Variants in SMARCC1 observed in about 807,000 individuals in gnomAD.
SMARCC1 encodes SWI/SNF related BAF chromatin remodeling complex subunit C1.
In SMARCC1, 43 loss-of-function variants were observed where a neutral mutation model predicts 147.4. The ratio of observed to expected loss-of-function variants is 0.29; its 90% CI spans 0.23 to 0.38. The LOEUF (loss-of-function observed/expected upper bound fraction) is 0.38. SMARCC1 is among the 10% of genes least tolerant of loss of function. The probability of loss-of-function intolerance (pLI) is 1.00; values close to 1 mark genes in which losing one functional copy is unlikely to be tolerated. For synonymous variants in SMARCC1, 495 were observed against 484.4 expected (o/e 1.02, Z -0.29); for missense variants, 1,119 against 1,381.1 (o/e 0.81, Z 3.01).
intron 27 of SMARCC1, among the ~76,000 whole-genome samples, chr3:47,588,953 C>T (rs557345525): frequency 2.0e-5 from 3 of 152,212 alleles, no homozygotes; most frequent in African/African-American, 7.2e-5. Flanking sequence ...TTCAACTTTA[C>T]CTGCTTTAGT....
chr3:47,698,565 C>T (rs1191368759), intron 11 of SMARCC1, among the ~76,000 whole-genome samples: 1 of 151,742 alleles, frequency 6.6e-6, no homozygotes, highest in African/African-American at 2.4e-5. Context: ...ATTCTCTTTC[C>T]ACATACTAGG....
chr3:47,772,542 T>C (rs2034926888), intron 2 of SMARCC1, among the ~76,000 whole-genome samples: 2 of 152,182 alleles, frequency 1.3e-5, no homozygotes, highest in Admixed American at 1.3e-4. Context: ...TGGAGAAGAC[T>C]CGGTACGGCG....
At chr3:47,758,204 T>C (rs7637950) in intron 2 of SMARCC1, among the ~76,000 whole-genome samples, 91,941 of 151,846 alleles carry the variant, frequency 0.61, 29,118 homozygotes, top group East Asian at 0.72. Flanking sequence ...ACTGCAGCCT[T>C]CAACTCCTGG....
chr3:47,725,295 G>A (rs2034285281), intron 6 of SMARCC1, among the ~76,000 whole-genome samples: 1 of 152,022 alleles, frequency 6.6e-6, no homozygotes, highest in African/African-American at 2.4e-5. Flanking sequence ...AGAGTAGACT[G>A]CTGGTTGTCA....
At chr3:47,666,703 T>G (rs1576404581) in intron 19 of SMARCC1, among the ~76,000 whole-genome samples, 1 of 152,240 alleles carries the variant, frequency 6.6e-6, no homozygotes, top group African/African-American at 2.4e-5. Context: ...ATTCATAAAC[T>G]TTCTTAAAAC....
rs377409397 is a variant in SMARCC1, at chr3:47,765,139, T to C, written c.315+7678A>G. On this transcript the variant is annotated intron_variant, in intron 2 of 27. Transcript: ENST00000254480. ...GGTGGCGCATGCCTGTAATCCCAGC[T>C]AGTCAGGAGGCTGAAGCAAGAGAAC... Among the ~76,000 whole-genome samples the C allele has an allele frequency of 9.2e-5, 14 of 152,116 alleles. No individual in the cohort carries two copies. In the East Asian group the frequency reaches 9.7e-4, roughly 11 times the overall value.
intron 5 of SMARCC1, among the ~76,000 whole-genome samples, chr3:47,729,898 T>A (rs995164583): frequency 3.3e-5 from 5 of 152,176 alleles, no homozygotes; most frequent in Admixed American, 3.3e-4. Context: ...AAAAGTTACA[T>A]TTATGGCCAG....
Position 47,606,429 on chromosome 3 carries a change from G to C in SMARCC1, c.3043+3637C>G, listed in dbSNP as rs143559735. Among the ~76,000 whole-genome samples, 53 of 152,302 alleles carry C rather than the reference G, an allele frequency of 3.5e-4. No homozygotes were observed. In the East Asian group the frequency reaches 9.8e-3, roughly 28 times the overall value. Reference sequence around the variant, plus strand: ...CCATGCATCAGTTCTTCAACTGTAAGGTGAGAATGAGAAATAAGTGAAACA... The same window carrying C: ...CCATGCATCAGTTCTTCAACTGTAACGTGAGAATGAGAAATAAGTGAAACA... On this transcript the variant is annotated intron_variant, in intron 26 of 27. Coordinates refer to ENST00000254480, the MANE Select transcript of SMARCC1 (RefSeq NM_003074.4).
At chr3:47,724,969 C>T (rs1460708258) in intron 6 of SMARCC1, among the ~76,000 whole-genome samples, 1 of 129,262 alleles carries the variant, frequency 7.7e-6, no homozygotes, top group Non-Finnish European at 1.5e-5. Context: ...GAGGACAAGG[C>T]TACATGGAGC....
intron 12 of SMARCC1, among the ~76,000 whole-genome samples, chr3:47,689,730 T>C (rs1214973462): frequency 2.0e-5 from 3 of 152,188 alleles, no homozygotes; most frequent in African/African-American, 7.2e-5. Flanking sequence ...TTACGATTCT[T>C]GTCTCCTGAG....
chr3:47,704,438 A>T (rs2033965461), intron 10 of SMARCC1, among the ~76,000 whole-genome samples: 1 of 152,200 alleles, frequency 6.6e-6, no homozygotes, highest in African/African-American at 2.4e-5. Context: ...TATGCGTTAT[A>T]TTCAGAGTAG....
At chr3:47,657,651 C>T (rs1228647396) in intron 21 of SMARCC1, among the ~76,000 whole-genome samples, 5 of 151,804 alleles carry the variant, frequency 3.3e-5, no homozygotes, top group Non-Finnish European at 7.4e-5. Context: ...AACACACACA[C>T]ACACCAACAA....
intron 24 of SMARCC1, among the ~76,000 whole-genome samples, chr3:47,632,850 A>G (rs923389364): frequency 5.9e-5 from 9 of 152,290 alleles, no homozygotes; most frequent in East Asian, 1.9e-4. Context: ...ATTCTCTACT[A>G]AAGAGTTTGA....
chr3:47,708,083 CTTTTTTTTTTTTTTTTTTTTTTTTT>C (rs915291740), intron 9 of SMARCC1, among the ~76,000 whole-genome samples: 1 of 64,270 alleles, frequency 1.6e-5, no homozygotes, highest in African/African-American at 6.6e-5. Context: ...AATTTTTTTT[CTTTTTTTTTTTTTTTTTTTTTTTTT>C]TTTTTTTTTG....
chr3:47,771,722 C>A (rs4858857), intron 2 of SMARCC1, among the ~76,000 whole-genome samples: 1 of 151,716 alleles, frequency 6.6e-6, no homozygotes, highest in Non-Finnish European at 1.5e-5. Flanking sequence ...CCAGCCTGGG[C>A]GACAGAACAA....
At chr3:47,733,920 T>C (rs2034408227) in intron 5 of SMARCC1, among the ~76,000 whole-genome samples, 1 of 151,546 alleles carries the variant, frequency 6.6e-6, no homozygotes, top group African/African-American at 2.4e-5. Flanking sequence ...CATATGTGCT[T>C]GTATATACAT....
rs2034336705 is a variant in SMARCC1, at chr3:47,729,071, T to C, written c.600A>G (p.Ser200=). 6.2e-7 allele frequency: 1 copy of C among 1,612,432 alleles called. No homozygotes were observed. Among genetic ancestry groups the C allele is most frequent in the South Asian group, 1.1e-5 (1 of 90,892 alleles). The change falls in exon 6 of 28, where the codon TCA becomes TCG. Residue 200 remains serine (S), a synonymous_variant. Coordinates refer to ENST00000254480, the MANE Select transcript of SMARCC1 (RefSeq NM_003074.4). The stretch of plus-strand genomic sequence containing the variant: ...ATGGGTAAATGTGGTGGGAAGCTTT[T>C]GACTTCTCATCCGTAAATGTTCCCT... The part of the protein sequence containing the change: ...RHQGTFTDEK[S]KASHHIYPYS...
chr3:47,760,068 C>T (rs1362060017), intron 2 of SMARCC1, among the ~76,000 whole-genome samples: 1 of 152,156 alleles, frequency 6.6e-6, no homozygotes, highest in Non-Finnish European at 1.5e-5. Context: ...AATCCCACCA[C>T]TCTGGGAGGC....
At chr3:47,700,243 T>C (rs2033900068) in intron 11 of SMARCC1, among the ~76,000 whole-genome samples, 1 of 152,076 alleles carries the variant, frequency 6.6e-6, no homozygotes, top group South Asian at 2.1e-4. Context: ...AAATCTCCAC[T>C]TTCTAGATTT....
Sources: gnomAD v4.1 joint callset for allele counts (sites outside exome capture counted in the v4.1 genomes callset) on GRCh38, gnomAD v4.1.1 for gene constraint, MANE v1.5 for transcripts, NCBI Gene and HGNC (gene_info 2026-07-23, HGNC 2026-07-21) for gene names.